The following ABRAXAS1 variants were observed in gnomAD, a reference collection of about 807,000 sequenced individuals.
The protein encoded by ABRAXAS1 is BRCA1-A complex subunit Abraxas 1.
Under a neutral mutation model 38.4 loss-of-function variants are expected in ABRAXAS1, and 26 were observed. The observed-to-expected ratio is 0.68, with a 90% CI of 0.50 to 0.94. The LOEUF is 0.94. ABRAXAS1 is among the 40% of genes least tolerant of loss of function. The pLI is 0.00. For synonymous variants in ABRAXAS1, 144 were observed against 165.5 expected (o/e 0.87, Z 1.00); for missense variants, 438 against 481.9 (o/e 0.91, Z 0.85).
chr4:83,472,246 C>A lies in ABRAXAS1; in HGVS notation c.258G>T (p.Lys86Asn). Residue 86 changes from lysine to asparagine, a missense_variant, in exon 4 of 9, where the codon AAG becomes AAT. Around this residue, in one of 3 missense-constraint regions of ABRAXAS1, gnomAD observed 194 missense variants for 269.0 expected, o/e 0.72. Coordinates refer to ENST00000321945, the MANE Select transcript of ABRAXAS1 (RefSeq NM_139076.3). ...CCTTTTTGACATTTGATAATATTTT[C>A]TTCAGTGCTTGCTCATTTACTTCGC... ...SSGEVNEQALKKILSNVKKNV... is the reference protein window; with the variant it reads ...SSGEVNEQALNKILSNVKKNV... 1 of 1,531,148 alleles carries A rather than the reference C, an allele frequency of 6.5e-7. No homozygotes were observed. Among genetic ancestry groups the A allele is most frequent in the South Asian group, 1.3e-5 (1 of 78,062 alleles). 94.8% of individuals were successfully genotyped at this position (1,531,148 alleles called of 1,614,324 possible). A position where few individuals can be genotyped will look rare whatever the true frequency, so the allele number is the denominator to read the frequency against.
At chr4:83,465,948 A>G (rs1252574189) in intron 7 of ABRAXAS1, among the ~76,000 whole-genome samples, 1 of 152,154 alleles carries the variant, frequency 6.6e-6, no homozygotes, top group Admixed American at 6.5e-5. Flanking sequence ...ACTCCTTAGT[A>G]AGATCTCCAA....
At chr4:83,475,987 A>G (rs1194859395) in intron 3 of ABRAXAS1, among the ~76,000 whole-genome samples, 1 of 152,196 alleles carries the variant, frequency 6.6e-6, no homozygotes, top group African/African-American at 2.4e-5. Flanking sequence ...GGACGGCTTG[A>G]GCCCAGGAGT....
intron 3 of ABRAXAS1, among the ~76,000 whole-genome samples, chr4:83,474,806 A>G (rs916053216): frequency 6.6e-6 from 1 of 152,110 alleles, no homozygotes; most frequent in Non-Finnish European, 1.5e-5. Context: ...CTGTAATTAG[A>G]GCAGGAAGAG....
chr4:83,481,125 C>G (rs756162299), intron 2 of ABRAXAS1, among the ~76,000 whole-genome samples: 6 of 150,730 alleles, frequency 4.0e-5, no homozygotes, highest in Non-Finnish European at 7.4e-5. Flanking sequence ...GAGTGAGACT[C>G]TGCCTCAAAA....
chr4:83,478,032 G>C, intron 2 of ABRAXAS1: 1 of 986,406 alleles, frequency 1.0e-6, no homozygotes, highest in Non-Finnish European at 1.6e-6. Flanking sequence ...GGCACCAGGG[G>C]TCTGTGGAGG....
At chr4:83,463,030 T>C in intron 8 of ABRAXAS1, 128 bp from the exon 9 acceptor site, 2 of 645,716 alleles carry the variant, frequency 3.1e-6, no homozygotes, top group Non-Finnish European at 5.1e-6. Context: ...GAGGATAACA[T>C]ACATAATTCT....
rs1238668895 is a variant in ABRAXAS1, at chr4:83,460,829, C to T, written c.*1640G>A. On this transcript the variant is annotated 3_prime_UTR_variant, in exon 9 of 9. Transcript: ENST00000321945. ...GCTGAGGCAAGATAATCGATTGAGC[C>T]TGGGTGGCGGAGGTTGCAGTGAGGC... is the stretch of plus-strand genomic sequence containing the variant. 1 of 655,424 alleles carries T rather than the reference C, an allele frequency of 1.5e-6. No homozygotes were observed. The highest frequency in any genetic ancestry group is 2.7e-6 in the Non-Finnish European group (1 of 370,450). The allele number at this position is 655,424 out of a possible 1,614,324, so 40.6% of individuals were successfully genotyped here.
Position 83,482,613 on chromosome 4 carries a change from G to A in ABRAXAS1, c.88-369C>T, listed in dbSNP as rs72932950. Among the ~76,000 whole-genome samples, 4 of 152,046 alleles carry A rather than the reference G, an allele frequency of 2.6e-5. No individual in the cohort carries two copies. The East Asian group carries it at 7.7e-4, about 29-fold the overall frequency. On this transcript the variant is annotated intron_variant, in intron 1 of 8. Coordinates refer to ENST00000321945, the MANE Select transcript of ABRAXAS1 (RefSeq NM_139076.3). ...TGTAGTCCCAGCTACTTGGGATGAC[G>A]TGAACCCAGGAGGTTGAGGCTGCAG...
In ABRAXAS1 at chr4:83,460,667, G is replaced by GC; in HGVS notation, c.*1801dup. On this transcript the variant is annotated 3_prime_UTR_variant, in exon 9 of 9. Transcript: ENST00000321945. The stretch of plus-strand genomic sequence containing the variant: ...ACCTGTAATCCCAGCACTTTGGGAG[G>GC]CTGAGGTGGGCAGATCACCTGAGGC... 3.4e-6 allele frequency: 1 copy of GC among 293,136 alleles called. No individual in the cohort carries two copies. Among genetic ancestry groups the GC allele is most frequent in the Non-Finnish European group, 6.5e-6 (1 of 153,750 alleles). 18.2% of individuals were successfully genotyped at this position (293,136 alleles called of 1,614,324 possible).
rs372755419 is a variant in ABRAXAS1 at position 83,459,570 on chromosome 4, A to G, written c.*2899T>C. The G allele has an allele frequency of 3.1e-4, 179 of 579,658 alleles. No homozygotes were observed. The East Asian group carries it at 3.2e-3, about 10-fold the overall frequency. 35.9% of individuals were successfully genotyped at this position (579,658 alleles called of 1,614,324 possible). A position where few individuals can be genotyped will look rare whatever the true frequency, so the allele number is the denominator to read the frequency against. On this transcript the variant is annotated 3_prime_UTR_variant, in exon 9 of 9. Transcript: ENST00000321945. The stretch of plus-strand genomic sequence containing the variant: ...ATAGACTTGACACACTGGATAGAAA[A>G]TATTTAAAAGGTAACAGGAGGATAA...
intron 2 of ABRAXAS1, chr4:83,479,832 A>G (rs888804969): frequency 2.6e-5 from 4 of 152,750 alleles, no homozygotes; most frequent in Admixed American, 2.0e-4. Context: ...GTGGTGGTGC[A>G]TACCTATGGT....
At position 83,484,074 on chromosome 4, in the gene ABRAXAS1, TC is replaced by T. The variant is rs1161743480; in HGVS notation, c.87+911del. 1.0e-5 allele frequency: 10 copies of T among 954,128 alleles called. No individual in the cohort carries two copies. The African/African-American group carries it at 1.8e-4, about 17-fold the overall frequency. 59.1% of individuals were successfully genotyped at this position (954,128 alleles called of 1,614,324 possible). ...GTAGAGACCGGGTCTCACTACGTTGTCCCCGATGGTCTCGAACTCGTGGGCT... is the reference window on the plus strand; with the variant it reads ...GTAGAGACCGGGTCTCACTACGTTGTCCCGATGGTCTCGAACTCGTGGGCT... On this transcript the variant is annotated intron_variant, in intron 1 of 8. Transcript: ENST00000321945.
In ABRAXAS1 at chr4:83,462,396, T is replaced by G. The variant is rs774564381; in HGVS notation, c.*73A>C. ...TGAACTTACTGCAAGTAGCTCAACA[T>G]AGTAAAAACAATAGAAATGTTTGGC... On this transcript the variant is annotated 3_prime_UTR_variant, in exon 9 of 9. Coordinates refer to ENST00000321945, the MANE Select transcript of ABRAXAS1 (RefSeq NM_139076.3). The G allele has an allele frequency of 8.3e-6, 11 of 1,330,828 alleles. No homozygotes were observed. The highest frequency in any genetic ancestry group is 1.0e-6 in the Non-Finnish European group (1 of 964,474). 82.4% of individuals were successfully genotyped at this position (1,330,828 alleles called of 1,614,324 possible).
At chr4:83,470,426 C>A in intron 4 of ABRAXAS1, 30 bp from the exon 5 acceptor site, 2 of 1,492,832 alleles carry the variant, frequency 1.3e-6, no homozygotes, top group South Asian at 1.2e-5. Context: ...GGATATACAT[C>A]TTAATAGTTA....
chr4:83,479,996 C>T (rs943152443), intron 2 of ABRAXAS1: 6 of 158,618 alleles, frequency 3.8e-5, no homozygotes, highest in African/African-American at 1.5e-4. Flanking sequence ...GAATTATACA[C>T]ACAGATACTA....
chr4:83,463,730 ATATAAATTTT>A, intron 7 of ABRAXAS1, 122 bp from the exon 8 acceptor site: 1 of 458,586 alleles, frequency 2.2e-6, no homozygotes, highest in East Asian at 3.5e-5. Flanking sequence ...TTTGCCTTTT[ATATAAATTTT>A]ATTTATTTTC....
In ABRAXAS1 at chr4:83,484,906, C is replaced by A. The variant is rs1723127597; in HGVS notation, c.87+80G>T. 3.2e-6 allele frequency: 4 copies of A among 1,248,452 alleles called. No individual in the cohort carries two copies. In the Admixed American group the frequency reaches 9.9e-5, roughly 31 times the overall value. 77.3% of individuals were successfully genotyped at this position (1,248,452 alleles called of 1,614,324 possible). A position where few individuals can be genotyped will look rare whatever the true frequency, so the allele number is the denominator to read the frequency against. On this transcript the variant is annotated intron_variant, in intron 1 of 8. Coordinates refer to ENST00000321945, the MANE Select transcript of ABRAXAS1 (RefSeq NM_139076.3). ...GCGGCGTCGGGGGAGCGGGCGGGGACCGGAGCAACAGCGGGGAGGCAGGCC... is the reference window on the plus strand; with the variant it reads ...GCGGCGTCGGGGGAGCGGGCGGGGAACGGAGCAACAGCGGGGAGGCAGGCC...
At chr4:83,483,891 A>G in intron 1 of ABRAXAS1, 1 of 467,050 alleles carries the variant, frequency 2.1e-6, no homozygotes, top group Non-Finnish European at 2.8e-6. Context: ...GTATTCCAAA[A>G]TAATTTCCAC....
chr4:83,483,526 T>TC (rs1432048254), intron 1 of ABRAXAS1, among the ~76,000 whole-genome samples: 1 of 152,146 alleles, frequency 6.6e-6, no homozygotes, highest in Non-Finnish European at 1.5e-5. Context: ...CAAATGATCC[T>TC]CCTGCCTCCG....
Sources: gnomAD v4.1 joint callset for allele counts (sites outside exome capture counted in the v4.1 genomes callset) on GRCh38, gnomAD v4.1.1 for gene constraint, gnomAD v4.1.1 regional missense constraint, MANE v1.5 for transcripts, NCBI Gene and HGNC (gene_info 2026-07-23, HGNC 2026-07-21) for gene names.